The following PTPRT variants were observed in gnomAD, a reference collection of about 807,000 sequenced individuals.
PTPRT encodes protein tyrosine phosphatase receptor type T, also known as receptor-type tyrosine-protein phosphatase T.
A neutral mutation model predicts 176.8 loss-of-function variants in PTPRT; 56 were observed. That is an observed-to-expected ratio of 0.32 (90% CI 0.26 to 0.40). The LOEUF is 0.40. Among genes scored for constraint, PTPRT ranks in the 10% least tolerant of loss-of-function variants. The pLI, the probability that PTPRT is intolerant of heterozygous loss-of-function variation, is 1.00. For missense variants in PTPRT, 1,540 were observed against 1,908.2 expected (o/e 0.81, Z 3.60); for synonymous variants, 783 against 739.0 (o/e 1.06, Z -0.96).
intron 12 of PTPRT, among the ~76,000 whole-genome samples, chr20:42,287,693 T>C (rs1311716501): frequency 6.6e-6 from 1 of 151,810 alleles, no homozygotes; most frequent in Non-Finnish European, 1.5e-5. Context: ...GCAAAATATA[T>C]AGTTTCAAAT....
At chr20:42,405,630 G>T (rs1327781370) in intron 9 of PTPRT, among the ~76,000 whole-genome samples, 9 of 152,162 alleles carry the variant, frequency 5.9e-5, no homozygotes, top group Admixed American at 5.9e-4. Flanking sequence ...CTTTGCCATT[G>T]TGAATAGTGC....
At chr20:42,603,820 A>T (rs1336193462) in intron 7 of PTPRT, among the ~76,000 whole-genome samples, 7 of 152,144 alleles carry the variant, frequency 4.6e-5, no homozygotes, top group Non-Finnish European at 7.3e-5. Flanking sequence ...GACATCCAGG[A>T]GAGGATATTG....
intron 15 of PTPRT, among the ~76,000 whole-genome samples, chr20:42,221,635 TC>T (rs201705275): frequency 0.032 from 4,811 of 152,060 alleles, 111 homozygotes; most frequent in Non-Finnish European, 0.049. Context: ...TTTTCATGCC[TC>T]AGCCTCCCAA....
intron 27 of PTPRT, among the ~76,000 whole-genome samples, chr20:42,097,657 AT>A (rs1224303576): frequency 1.3e-5 from 2 of 152,250 alleles, no homozygotes; most frequent in Admixed American, 6.5e-5. Flanking sequence ...TGTTTAAAAA[AT>A]TTTTAAATTC....
At chr20:42,679,827 T>C (rs1431412649) in intron 6 of PTPRT, among the ~76,000 whole-genome samples, 1 of 152,238 alleles carries the variant, frequency 6.6e-6, no homozygotes, top group Non-Finnish European at 1.5e-5. Flanking sequence ...CCATGAGTTG[T>C]TCATGTTTTG....
chr20:43,084,709 C>G (rs962362826), intron 1 of PTPRT, among the ~76,000 whole-genome samples: 3 of 151,868 alleles, frequency 2.0e-5, no homozygotes, highest in African/African-American at 7.3e-5. Context: ...GGTGCACTTA[C>G]TATATTTATA....
chr20:42,812,749 A>G (rs1473896228), intron 2 of PTPRT, among the ~76,000 whole-genome samples: 5 of 152,148 alleles, frequency 3.3e-5, no homozygotes, highest in Non-Finnish European at 7.4e-5. Flanking sequence ...TTCCTCATCT[A>G]TAAATTGGGA....
At chr20:42,081,025 A>G in intron 30 of PTPRT, 93 bp from the exon 31 acceptor site, 1 of 1,070,994 alleles carries the variant, frequency 9.3e-7, no homozygotes, top group Non-Finnish European at 1.4e-6. Context: ...TTAGAGATAC[A>G]GATTTTGGAG....
At chr20:42,333,555 A>C (rs142991296) in intron 11 of PTPRT, among the ~76,000 whole-genome samples, 1,723 of 152,212 alleles carry the variant, frequency 0.011, 24 homozygotes, top group South Asian at 0.053. Context: ...AATGGTCTCA[A>C]TCTCCTGACC....
At chr20:42,532,256 C>T (rs1479195150) in intron 7 of PTPRT, among the ~76,000 whole-genome samples, 3 of 152,240 alleles carry the variant, frequency 2.0e-5, no homozygotes, top group East Asian at 3.9e-4. Context: ...TCTGAAGTCC[C>T]CACCCCATAG....
At chr20:42,177,613 C>T (rs184915428) in intron 16 of PTPRT, among the ~76,000 whole-genome samples, 43 of 152,188 alleles carry the variant, frequency 2.8e-4, no homozygotes, top group Non-Finnish European at 1.6e-4. Flanking sequence ...ATGCTAGTAC[C>T]GTACAAGAGT....
At chr20:42,847,200 C>T (rs1381650019) in intron 2 of PTPRT, among the ~76,000 whole-genome samples, 1 of 152,120 alleles carries the variant, frequency 6.6e-6, no homozygotes, top group Non-Finnish European at 1.5e-5. Flanking sequence ...GCAGAGCACC[C>T]ACGGGGATGG....
In PTPRT at chr20:42,989,145, T is replaced by C. The variant is rs533620195; in HGVS notation, c.89-103213A>G. Among the ~76,000 whole-genome samples, 114 of 152,358 alleles carry C rather than the reference T, an allele frequency of 7.5e-4. 1 individual carries two copies. Among genetic ancestry groups the C allele is most frequent in the African/African-American group, 2.7e-3 (113 of 41,588 alleles). Reference sequence around the variant, plus strand: ...ATGGAATAGAAAACTTAGGTTTATCTCTTTGCTCCAAGTTATGTGGGTGGT... The same window carrying C: ...ATGGAATAGAAAACTTAGGTTTATCCCTTTGCTCCAAGTTATGTGGGTGGT... On this transcript the variant is annotated intron_variant, in intron 1 of 30. Transcript: ENST00000373187.
At chr20:42,673,057 A>G (rs1301500733) in intron 7 of PTPRT, among the ~76,000 whole-genome samples, 5 of 152,224 alleles carry the variant, frequency 3.3e-5, no homozygotes, top group Admixed American at 6.5e-5. Flanking sequence ...CATAGTCACC[A>G]ACCTCCTTAC....
Position 42,732,900 on chromosome 20 carries a change from C to G in PTPRT, c.859+23562G>C, listed in dbSNP as rs565395221. ...ATACACTACAAAAGATCCCTGGATA[C>G]TTATCTCCTGGCCTACATCTTCCTT... On this transcript the variant is annotated intron_variant, in intron 6 of 30. Transcript: ENST00000373187. 8.5e-5 allele frequency among the ~76,000 whole-genome samples: 13 copies of G among 152,326 alleles called. No homozygotes were observed. The East Asian group carries it at 1.9e-3, about 23-fold the overall frequency.
chr20:42,277,146 C>G (rs896660810), intron 13 of PTPRT, among the ~76,000 whole-genome samples: 3 of 152,166 alleles, frequency 2.0e-5, no homozygotes, highest in Non-Finnish European at 4.4e-5. Flanking sequence ...GGCCCCTCAT[C>G]CTATGCTTCA....
chr20:42,057,415 G>A, the PTPRT span, among the ~76,000 whole-genome samples: 2 of 152,078 alleles, frequency 1.3e-5, no homozygotes, highest in Non-Finnish European at 2.9e-5. Context: ...TTGTGAGAAG[G>A]GAGACCACAT....
intron 1 of PTPRT, among the ~76,000 whole-genome samples, chr20:42,947,183 C>T (rs1230154303): frequency 6.6e-6 from 1 of 152,188 alleles, no homozygotes; most frequent in Non-Finnish European, 1.5e-5. Flanking sequence ...CCACCCAATT[C>T]CCAGCCACTC....
intron 1 of PTPRT, among the ~76,000 whole-genome samples, chr20:43,119,585 A>T (rs1366882885): frequency 6.6e-6 from 1 of 152,216 alleles, no homozygotes; most frequent in Non-Finnish European, 1.5e-5. Flanking sequence ...GAGTGTTCAG[A>T]CCCAGTTCCC....
Sources: gnomAD v4.1 joint callset for allele counts (sites outside exome capture counted in the v4.1 genomes callset) on GRCh38, gnomAD v4.1.1 for gene constraint, MANE v1.5 for transcripts, NCBI Gene and HGNC (gene_info 2026-07-23, HGNC 2026-07-21) for gene names.